Variants in ANXA6 observed in about 807,000 individuals in gnomAD.
The protein encoded by ANXA6 is annexin A6, also known as 67 kDa calelectrin.
A neutral mutation model predicts 95.4 loss-of-function variants in ANXA6; 71 were observed. That is an observed-to-expected ratio of 0.74 (90% CI 0.61 to 0.91). The LOEUF (loss-of-function observed/expected upper bound fraction) is 0.91, where lower values mean the gene tolerates loss of function less well. Ranked by LOEUF, ANXA6 falls within the 40% of genes least tolerant of loss-of-function variation. ANXA6 has a pLI of 0.00. For synonymous variants in ANXA6, 289 were observed against 315.9 expected (o/e 0.91, Z 0.90); for missense variants, 830 against 876.4 (o/e 0.95, Z 0.67).
intron 17 of ANXA6, 143 bp downstream of exon 17, chr5:151,122,004 C>A: frequency 1.9e-6 from 1 of 522,702 alleles, no homozygotes. Flanking sequence ...GAGCCAACAT[C>A]TCCTTTTGTG....
At chr5:151,146,340 A>G (rs10515644) in intron 2 of ANXA6, among the ~76,000 whole-genome samples, 50,150 of 152,112 alleles carry the variant, frequency 0.33, 8,669 homozygotes, top group Non-Finnish European at 0.38. Context: ...ATTTTTGCCC[A>G]TAATCAGTAA....
rs184804482 is a variant in ANXA6 at position 151,140,065 on chromosome 5, C to T, written c.109+88G>A. ...TGAATAAGTGCACTTCACCATTTCA[C>T]AGACCCTACCACCACCACCAGAAGG... On this transcript the variant is annotated intron_variant, in intron 3 of 25. Transcript: ENST00000354546. 7.0e-6 allele frequency: 8 copies of T among 1,147,152 alleles called. No homozygotes were observed. In the Admixed American group the frequency reaches 1.9e-4, roughly 27 times the overall value. 71.1% of individuals were successfully genotyped at this position (1,147,152 alleles called of 1,614,324 possible).
chr5:151,109,153 G>T lies in ANXA6; in HGVS notation c.1684+600C>A, dbSNP rs115940741. ...TAAGTGGGGGATTCAAATCAAGGCC[G>T]TCCAGTGCCCAAGTCCATTCTTTTA... On this transcript the variant is annotated intron_variant, in intron 22 of 25. Coordinates refer to ENST00000354546, the MANE Select transcript of ANXA6 (RefSeq NM_001155.5). Among the ~76,000 whole-genome samples the T allele has an allele frequency of 5.7e-3, 864 of 152,178 alleles. 11 individuals carry two copies. The highest frequency in any genetic ancestry group is 0.019 in the African/African-American group (779 of 41,488).
intron 8 of ANXA6, among the ~76,000 whole-genome samples, chr5:151,133,725 C>T (rs150479873): frequency 2.0e-5 from 3 of 152,294 alleles, no homozygotes; most frequent in African/African-American, 7.2e-5. Flanking sequence ...TGCCTTTCTT[C>T]CTTTCTTTCT....
At chr5:151,106,131 T>C (rs1367240941) in intron 23 of ANXA6, among the ~76,000 whole-genome samples, 1 of 152,124 alleles carries the variant, frequency 6.6e-6, no homozygotes, top group Non-Finnish European at 1.5e-5. Flanking sequence ...CTGAACAATC[T>C]TGCAGGATTG....
At chr5:151,116,218 G>A (rs1764993007) in intron 20 of ANXA6, among the ~76,000 whole-genome samples, 1 of 152,182 alleles carries the variant, frequency 6.6e-6, no homozygotes, top group Non-Finnish European at 1.5e-5. Context: ...CAATCCATCA[G>A]TGCTCTTTTC....
chr5:151,130,215 G>A (rs572176722), intron 11 of ANXA6, among the ~76,000 whole-genome samples: 10 of 151,314 alleles, frequency 6.6e-5, no homozygotes, highest in Admixed American at 1.3e-4. Flanking sequence ...AAGCAATACT[G>A]TTATAAGTTT....
At position 151,101,410 on chromosome 5, in the gene ANXA6, A is replaced by G. The variant is rs1764545141; in HGVS notation, c.*38T>C. ...TTGGCCATGGCGGCTGGTGCTGATAACCATTTCTTGGCAGAAGTGCCCGCC... is the reference window on the plus strand; with the variant it reads ...TTGGCCATGGCGGCTGGTGCTGATAGCCATTTCTTGGCAGAAGTGCCCGCC... On this transcript the variant is annotated 3_prime_UTR_variant, in exon 26 of 26. Transcript: ENST00000354546. 6.5e-7 allele frequency: 1 copy of G among 1,529,804 alleles called. No homozygotes were observed. The highest frequency in any genetic ancestry group is 2.0e-5 in the Admixed American group (1 of 50,174). 94.8% of individuals were successfully genotyped at this position (1,529,804 alleles called of 1,614,324 possible).
At chr5:151,139,833 G>A (rs1269617575) in intron 3 of ANXA6, among the ~76,000 whole-genome samples, 3 of 152,264 alleles carry the variant, frequency 2.0e-5, no homozygotes, top group Non-Finnish European at 2.9e-5. Context: ...CACCACCTTC[G>A]GATTGTGGCT....
At chr5:151,137,376 C>A in intron 5 of ANXA6, 55 bp from the exon 6 acceptor site, 1 of 1,481,674 alleles carries the variant, frequency 6.7e-7, no homozygotes, top group Non-Finnish European at 9.3e-7. Flanking sequence ...GGTCACTGGA[C>A]ACAGGTTGGG....
chr5:151,129,267 G>T, intron 12 of ANXA6, 140 bp downstream of exon 12: 1 of 1,072,892 alleles, frequency 9.3e-7, no homozygotes, highest in Non-Finnish European at 1.3e-6. Flanking sequence ...CCTTGAATGA[G>T]CCACAAGGCA....
chr5:151,105,168 A>G, intron 24 of ANXA6, 77 bp downstream of exon 24: 1 of 1,311,758 alleles, frequency 7.6e-7, no homozygotes, highest in Admixed American at 1.7e-5. Context: ...GATCTGGGGG[A>G]TGGTGCACAT....
chr5:151,154,980 A>ATG (rs1766199580), intron 1 of ANXA6: 1 of 148,196 alleles, frequency 6.7e-6, no homozygotes, highest in Non-Finnish European at 1.5e-5. Context: ...AAAAAAAAAA[A>ATG]AAAGGGATAA....
chr5:151,103,307 A>C lies in ANXA6; in HGVS notation c.1962+263T>G, dbSNP rs778680747. ...CCACCATGCCTGCCCATGATATGTA[A>C]GTTATACTTCCATAACATTGCTTTA... On this transcript the variant is annotated intron_variant, in intron 25 of 25. Transcript: ENST00000354546. Among the ~76,000 whole-genome samples, 177 of 152,294 alleles carry C rather than the reference A, an allele frequency of 1.2e-3. 1 individual carries two copies. The highest frequency in any genetic ancestry group is 2.0e-3 in the Non-Finnish European group (139 of 68,028).
chr5:151,132,640 A>G, intron 9 of ANXA6, 69 bp from the exon 10 acceptor site: 2 of 1,343,196 alleles, frequency 1.5e-6, no homozygotes, highest in Non-Finnish European at 2.1e-6. Context: ...TGAGGACTTC[A>G]AGAGCAGGGG....
intron 20 of ANXA6, among the ~76,000 whole-genome samples, chr5:151,110,991 G>A (rs1764832683): frequency 1.3e-5 from 2 of 152,192 alleles, no homozygotes; most frequent in Non-Finnish European, 1.5e-5. Flanking sequence ...TTGTCTGAAA[G>A]TGGAAATAAT....
chr5:151,116,365 G>C (rs1047735624), intron 20 of ANXA6, among the ~76,000 whole-genome samples: 2 of 152,188 alleles, frequency 1.3e-5, no homozygotes, highest in South Asian at 4.1e-4. Context: ...CCTGGGTCAG[G>C]CTACTGGGTG....
chr5:151,117,879 A>C (rs368650698), intron 18 of ANXA6, 42 bp from the exon 19 acceptor site: 31 of 1,562,420 alleles, frequency 2.0e-5, no homozygotes, highest in Non-Finnish European at 2.5e-5. Context: ...CTGGCCAAGA[A>C]GGATTTGGTT....
intron 7 of ANXA6, 144 bp from the exon 8 acceptor site, chr5:151,134,627 C>T (rs1268711998): frequency 2.5e-6 from 2 of 799,632 alleles, no homozygotes; most frequent in Admixed American, 1.8e-5. Flanking sequence ...TGCATGAAGA[C>T]CACAGTATCT....
Sources: allele counts gnomAD v4.1 joint callset (sites outside exome capture counted in the v4.1 genomes callset), GRCh38; gene constraint gnomAD v4.1.1; transcripts MANE v1.5; gene names NCBI Gene and HGNC (gene_info 2026-07-23, HGNC 2026-07-21).